PHF8: variants seen among roughly 807,000 people sequenced by gnomAD.
PHF8 encodes PHD finger protein 8.
Under a neutral mutation model 74.4 loss-of-function variants are expected in PHF8, and 9 were observed. That is an observed-to-expected ratio of 0.12 (90% CI 0.07 to 0.21). PHF8 has a LOEUF of 0.21. Among genes scored for constraint, PHF8 ranks in the 10% least tolerant of loss-of-function variants. The probability of loss-of-function intolerance (pLI) is 1.00; values close to 1 mark genes in which losing one functional copy is unlikely to be tolerated. For missense variants in PHF8, 478 were observed against 816.6 expected (o/e 0.59, Z 5.05); for synonymous variants, 311 against 316.6 (o/e 0.98, Z 0.19).
chrX:53,949,693 T>C (rs1471943569), intron 19 of PHF8, among the ~76,000 whole-genome samples: 1 of 106,204 alleles, frequency 9.4e-6, no homozygotes, highest in Non-Finnish European at 1.9e-5. Context: ...GCGCCTGTAG[T>C]CCCAGCTACT....
At chrX:54,037,000 TA>T (rs56902207) in intron 2 of PHF8, among the ~76,000 whole-genome samples, 706 of 63,214 alleles carry the variant, frequency 0.011, 4 homozygotes, top group African/African-American at 0.025. Context: ...TCAGAAAAAA[TA>T]AAAAAAAAAA....
At position 53,987,808 on chromosome X, in the gene PHF8, C is replaced by T. The variant is rs781833925; in HGVS notation, c.1867G>A (p.Glu623Lys). The T allele has an allele frequency of 1.6e-5, 19 of 1,207,841 alleles. No individual in the cohort carries two copies. The highest frequency in any genetic ancestry group is 2.0e-5 in the Non-Finnish European group (18 of 892,871). ...LDSDDELQIDERLGKEKATLI... is the reference protein window; with the variant it reads ...LDSDDELQIDKRLGKEKATLI... ...GTCGCCTTCTCCTTTCCCAATCTCT[C>T]GTCAATCTGCAGCTCATCATCTGAA... Residue 623 changes from glutamate (E) to lysine (K), a missense_variant, in exon 15 of 22, where the codon GAG becomes AAG. Glu to Lys is a moderately conservative substitution (Grantham distance 56). This residue lies in a region of PHF8 where 153 missense variants were observed against 164.8 expected (regional missense o/e 0.93). Coordinates refer to ENST00000338154, the MANE Select transcript of PHF8 (RefSeq NM_015107.3).
At chrX:53,951,215 GA>G (rs2064918221) in intron 19 of PHF8, among the ~76,000 whole-genome samples, 1 of 112,278 alleles carries the variant, frequency 8.9e-6, no homozygotes, top group East Asian at 2.8e-4. Flanking sequence ...GTAGAAGGAA[GA>G]ATTACTGACT....
intron 18 of PHF8, 90 bp downstream of exon 18, chrX:53,984,824 A>G (rs1409384909): frequency 9.6e-6 from 7 of 727,583 alleles, no homozygotes; most frequent in Admixed American, 2.2e-5. Flanking sequence ...GACTTTGTTC[A>G]CTACAAGCTG....
intron 2 of PHF8, among the ~76,000 whole-genome samples, chrX:54,035,923 C>T (rs1259719442): frequency 9.1e-6 from 1 of 110,132 alleles, no homozygotes; most frequent in South Asian, 3.8e-4. Context: ...ACCAGCCTGA[C>T]GAACATGGAG....
At chrX:54,044,658 C>T (rs2066616672), upstream of PHF8, among the ~76,000 whole-genome samples, 1 of 112,988 alleles carries the variant, frequency 8.9e-6, no homozygotes. Flanking sequence ...CCATCTTAGG[C>T]GAGGCAGACG....
In PHF8 at chrX:53,937,885, C is replaced by A; in HGVS notation, c.*1273G>T. On this transcript the variant is annotated 3_prime_UTR_variant, in exon 22 of 22. Coordinates refer to ENST00000338154, the MANE Select transcript of PHF8 (RefSeq NM_015107.3). ...CATCGAGTCCAGATTGCCAGTGAGG[C>A]AAGGCGGTGGGAGGTGGGGGCACTG... 1.4e-6 allele frequency: 1 copy of A among 723,137 alleles called. No homozygotes were observed. The highest frequency in any genetic ancestry group is 2.1e-6 in the Non-Finnish European group (1 of 482,494). 59.6% of individuals were successfully genotyped at this position (723,137 alleles called of 1,213,427 possible).
intron 4 of PHF8, among the ~76,000 whole-genome samples, chrX:54,018,976 T>C (rs1267980480): frequency 1.8e-5 from 2 of 111,442 alleles, no homozygotes; most frequent in Non-Finnish European, 3.8e-5. Context: ...TTCCAAAAAA[T>C]AAAGCTTTAA....
intron 14 of PHF8, among the ~76,000 whole-genome samples, chrX:53,991,501 A>C (rs2149836726): frequency 9.2e-6 from 1 of 109,208 alleles, no homozygotes; most frequent in African/African-American, 3.3e-5. Flanking sequence ...GTCTCTACTA[A>C]AAATACAAAA....
intron 8 of PHF8, among the ~76,000 whole-genome samples, chrX:54,005,622 T>TAA (rs782521734): frequency 1.5e-4 from 10 of 67,381 alleles, no homozygotes; most frequent in African/African-American, 3.9e-4. Context: ...GCAGAAAACT[T>TAA]AAAAAAAAAA....
intron 8 of PHF8, among the ~76,000 whole-genome samples, chrX:54,009,891 T>C: frequency 1.1e-5 from 1 of 93,990 alleles, no homozygotes; most frequent in East Asian, 3.0e-4. Flanking sequence ...AGTGGCTCTT[T>C]GGAAAGATCA....
chrX:54,043,663 C>T (rs1334679024), intron 1 of PHF8, 99 bp downstream of exon 1: 2 of 199,385 alleles, frequency 1.0e-5, no homozygotes, highest in Non-Finnish European at 1.5e-5. Context: ...GCAGCCCCCC[C>T]TCAAACTGAT....
chrX:54,027,908 A>T (rs1264980029), intron 2 of PHF8, among the ~76,000 whole-genome samples: 1 of 110,067 alleles, frequency 9.1e-6, no homozygotes, highest in African/African-American at 3.3e-5. Context: ...CTGGATAGTG[A>T]GAAGACCTAG....
At chrX:54,018,292 A>G (rs1327921452) in intron 4 of PHF8, among the ~76,000 whole-genome samples, 1 of 111,101 alleles carries the variant, frequency 9.0e-6, no homozygotes, top group Non-Finnish European at 1.9e-5. Flanking sequence ...ACCCGTCTCC[A>G]CAAAAAAATT....
intron 18 of PHF8, among the ~76,000 whole-genome samples, chrX:53,974,132 C>T (rs1439248991): frequency 6.4e-5 from 7 of 110,232 alleles, no homozygotes; most frequent in African/African-American, 1.3e-4. Flanking sequence ...TGGTGGCAGG[C>T]GCCTGTAGTC....
chrX:53,981,189 G>A (rs1330790578), intron 18 of PHF8, among the ~76,000 whole-genome samples: 2 of 112,369 alleles, frequency 1.8e-5, no homozygotes, highest in African/African-American at 3.2e-5. Flanking sequence ...ATTCCACCCT[G>A]GGCGACAAAG....
In PHF8 at chrX:54,005,027, C is replaced by T. The variant is rs1298234856; in HGVS notation, c.947-2345G>A. Among the ~76,000 whole-genome samples, 3 of 110,130 alleles carry T rather than the reference C, an allele frequency of 2.7e-5. No individual in the cohort carries two copies. In the Admixed American group the frequency reaches 2.9e-4, roughly 11 times the overall value. On this transcript the variant is annotated intron_variant, in intron 8 of 21. Coordinates refer to ENST00000338154, the MANE Select transcript of PHF8 (RefSeq NM_015107.3). ...ACAGAAAATGCAAAGACAGAGAAAC[C>T]GAAATTACCCAATCTGAACTTGAAC...
chrX:53,955,512 G>A (rs1372091913), intron 19 of PHF8, among the ~76,000 whole-genome samples: 1 of 107,289 alleles, frequency 9.3e-6, no homozygotes, highest in East Asian at 3.0e-4. Flanking sequence ...AAGTGAACAG[G>A]ATTCTCACCC....
chrX:53,944,034 T>C (rs1557084339), intron 20 of PHF8, 100 bp downstream of exon 20: 4 of 534,989 alleles, frequency 7.5e-6, no homozygotes. Context: ...CAATCCCCAT[T>C]GAGACAAAGG....
Sources: allele counts gnomAD v4.1 joint callset (sites outside exome capture counted in the v4.1 genomes callset), GRCh38; gene constraint gnomAD v4.1.1; regional missense constraint gnomAD v4.1.1; transcripts MANE v1.5; gene names NCBI Gene and HGNC (gene_info 2026-07-23, HGNC 2026-07-21).